Variants in DLGAP2 observed in about 807,000 individuals in gnomAD.
The protein encoded by DLGAP2 is disks large-associated protein 2.
DLGAP2 carries 26 observed loss-of-function variants against 100.3 expected under a neutral mutation model. The observed-to-expected ratio is 0.26, with a 90% CI of 0.19 to 0.36. The LOEUF is 0.36. DLGAP2 is among the 10% of genes least tolerant of loss of function. DLGAP2 has a pLI of 1.00. For missense variants in DLGAP2, 1,858 were observed against 1,453.2 expected, an observed-to-expected ratio of 1.28 and a Z score of -4.53; for synonymous variants, 886 against 630.1, an observed-to-expected ratio of 1.41 and a Z score of -6.08.
chr8:1,416,865 C>T (rs1482859284), intron 3 of DLGAP2, among the ~76,000 whole-genome samples: 1 of 152,210 alleles, frequency 6.6e-6, no homozygotes, highest in East Asian at 1.9e-4. Flanking sequence ...ATAATCCGTT[C>T]TCTCCCTAAA....
chr8:1,380,897 G>C (rs1796077517), intron 3 of DLGAP2, among the ~76,000 whole-genome samples: 1 of 112,378 alleles, frequency 8.9e-6, no homozygotes, highest in Non-Finnish European at 1.7e-5. Context: ...GTGACCATTT[G>C]TATCATCTCA....
At chr8:1,506,890 C>T (rs1799939463) in intron 4 of DLGAP2, among the ~76,000 whole-genome samples, 1 of 152,190 alleles carries the variant, frequency 6.6e-6, no homozygotes, top group Admixed American at 6.5e-5. Flanking sequence ...AAACCTTGAG[C>T]TAGACACAGA....
chr8:1,099,948 A>G (rs1804521184), intron 2 of DLGAP2, among the ~76,000 whole-genome samples: 1 of 152,224 alleles, frequency 6.6e-6, no homozygotes, highest in South Asian at 2.1e-4. Flanking sequence ...TTGCTTCCCG[A>G]GATTTCAGTT....
At chr8:1,326,331 A>G (rs1801019895) in intron 3 of DLGAP2, among the ~76,000 whole-genome samples, 1 of 152,242 alleles carries the variant, frequency 6.6e-6, no homozygotes, top group Admixed American at 6.5e-5. Flanking sequence ...AACAGTGGAA[A>G]TATTGAACTA....
intron 1 of DLGAP2, among the ~76,000 whole-genome samples, chr8:854,322 G>T (rs958966153): frequency 6.6e-6 from 1 of 152,098 alleles, no homozygotes; most frequent in Admixed American, 6.5e-5. Context: ...GCCTTCAGTG[G>T]GTATCCTTAT....
At chr8:1,039,812 G>T in intron 2 of DLGAP2, among the ~76,000 whole-genome samples, 1 of 126,450 alleles carries the variant, frequency 7.9e-6, no homozygotes, top group South Asian at 2.9e-4. Flanking sequence ...TTCCGTGGTC[G>T]GCTCGGTGTG....
intron 3 of DLGAP2, among the ~76,000 whole-genome samples, chr8:1,470,575 C>G (rs1798752112): frequency 6.6e-6 from 1 of 152,172 alleles, no homozygotes; most frequent in Non-Finnish European, 1.5e-5. Context: ...TCTATTCTCT[C>G]TTAAATATTT....
chr8:983,881 C>G (rs915564361), intron 2 of DLGAP2, among the ~76,000 whole-genome samples: 1 of 152,130 alleles, frequency 6.6e-6, no homozygotes, highest in Non-Finnish European at 1.5e-5. Flanking sequence ...CTCAAGTGAT[C>G]CTCTTGCCTT....
intron 3 of DLGAP2, among the ~76,000 whole-genome samples, chr8:1,464,238 CA>C (rs1563164751): frequency 3.3e-5 from 5 of 149,980 alleles, no homozygotes; most frequent in Non-Finnish European, 5.9e-5. Flanking sequence ...TCCAGGACGA[CA>C]CCCTTCCAGG....
intron 3 of DLGAP2, among the ~76,000 whole-genome samples, chr8:1,329,839 C>T (rs1441790897): frequency 6.6e-6 from 1 of 152,198 alleles, no homozygotes; most frequent in Non-Finnish European, 1.5e-5. Flanking sequence ...TGTCTCATAC[C>T]AAACAGGCCT....
chr8:1,470,287 A>G (rs1798743643), intron 3 of DLGAP2, among the ~76,000 whole-genome samples: 1 of 152,128 alleles, frequency 6.6e-6, no homozygotes, highest in Non-Finnish European at 1.5e-5. Context: ...CAGGTGCTCC[A>G]TCCAGCACTT....
intron 2 of DLGAP2, among the ~76,000 whole-genome samples, chr8:971,258 C>T (rs977583492): frequency 4.6e-5 from 7 of 152,154 alleles, no homozygotes; most frequent in African/African-American, 1.7e-4. Context: ...AATAAAATGA[C>T]TAATAACCCA....
At chr8:1,008,372 A>G (rs773263081) in intron 2 of DLGAP2, among the ~76,000 whole-genome samples, 19 of 152,232 alleles carry the variant, frequency 1.2e-4, no homozygotes, top group Admixed American at 6.5e-5. Context: ...AATAGTGAAA[A>G]CTGGTATTGA....
intron 1 of DLGAP2, among the ~76,000 whole-genome samples, chr8:755,405 G>C (rs1037193953): frequency 6.6e-6 from 1 of 152,184 alleles, no homozygotes; most frequent in Admixed American, 6.5e-5. Context: ...GTTGCAGTGA[G>C]CTGTGATTGC....
At chr8:1,629,347 C>G (rs988724967) in intron 7 of DLGAP2, among the ~76,000 whole-genome samples, 8 of 152,274 alleles carry the variant, frequency 5.3e-5, no homozygotes, top group African/African-American at 1.7e-4. Flanking sequence ...TTCCCAATGA[C>G]AAGGAAAGAC....
At chr8:1,645,655 C>A (rs1008360761) in intron 8 of DLGAP2, among the ~76,000 whole-genome samples, 1 of 152,188 alleles carries the variant, frequency 6.6e-6, no homozygotes, top group Non-Finnish European at 1.5e-5. Context: ...ATTATCCAGA[C>A]AATAATCTTA....
At chr8:848,002 CT>C (rs1194623643) in intron 1 of DLGAP2, among the ~76,000 whole-genome samples, 8 of 152,224 alleles carry the variant, frequency 5.3e-5, no homozygotes, top group Non-Finnish European at 7.4e-5. Flanking sequence ...CTGCTAAGAT[CT>C]TGTTTAGTGG....
At chr8:1,655,123 C>T (rs762240005) in intron 8 of DLGAP2, among the ~76,000 whole-genome samples, 23 of 152,206 alleles carry the variant, frequency 1.5e-4, no homozygotes, top group Non-Finnish European at 1.8e-4. Flanking sequence ...AGCCTATCAA[C>T]GTTGCCCCAG....
At chr8:923,482 A>G (rs1204220952) in intron 2 of DLGAP2, among the ~76,000 whole-genome samples, 1 of 152,248 alleles carries the variant, frequency 6.6e-6, no homozygotes, top group East Asian at 1.9e-4. Flanking sequence ...GGAGATGCCA[A>G]TATGCTTAAC....
Sources: gnomAD v4.1 joint callset for allele counts (sites outside exome capture counted in the v4.1 genomes callset) on GRCh38, gnomAD v4.1.1 for gene constraint, MANE v1.5 for transcripts, NCBI Gene and HGNC (gene_info 2026-07-23, HGNC 2026-07-21) for gene names.